Variants in BRWD3 observed in about 807,000 individuals in gnomAD.
The protein encoded by BRWD3 is bromodomain and WD repeat domain containing 3, also known as bromodomain and WD repeat-containing protein 3.
BRWD3 carries 10 observed loss-of-function variants against 149.7 expected under a neutral mutation model. That is an observed-to-expected ratio of 0.07 (90% CI 0.04 to 0.11). The LOEUF (loss-of-function observed/expected upper bound fraction) is 0.11. Ranked by LOEUF, BRWD3 falls within the 10% of genes least tolerant of loss-of-function variation. The probability of loss-of-function intolerance (pLI) is 1.00; values close to 1 mark genes in which losing one functional copy is unlikely to be tolerated. For synonymous variants in BRWD3, 504 were observed against 456.7 expected, an observed-to-expected ratio of 1.10 and a Z score of -1.32; for missense variants, 940 against 1,373.2, an observed-to-expected ratio of 0.68 and a Z score of 4.99.
chrX:80,679,235 T>C (rs931535766), intron 40 of BRWD3, among the ~76,000 whole-genome samples: 3 of 111,699 alleles, frequency 2.7e-5, no homozygotes, highest in Non-Finnish European at 5.6e-5. Context: ...AGAAACTATA[T>C]AGAAGATTTA....
At chrX:80,723,653 A>T in intron 16 of BRWD3, 95 bp downstream of exon 16, 2 of 923,071 alleles carry the variant, frequency 2.2e-6, no homozygotes, top group Admixed American at 4.6e-5. Flanking sequence ...ATCTATTGAC[A>T]CATAACAGCC....
chrX:80,786,433 A>G (rs1026310928), intron 6 of BRWD3, among the ~76,000 whole-genome samples: 2 of 111,120 alleles, frequency 1.8e-5, no homozygotes, highest in African/African-American at 6.5e-5. Flanking sequence ...ATTTATCATT[A>G]TACTTAATGG....
intron 21 of BRWD3, among the ~76,000 whole-genome samples, chrX:80,707,705 A>T (rs1252402106): frequency 8.9e-6 from 1 of 112,102 alleles, no homozygotes; most frequent in Non-Finnish European, 1.9e-5. Context: ...TTCTAGCATC[A>T]TTATCTTATT....
At position 80,786,231 on chromosome X, in the gene BRWD3, T is replaced by C. The variant is rs760541163; in HGVS notation, c.430+5623A>G. Among the ~76,000 whole-genome samples the C allele has an allele frequency of 2.1e-4, 23 of 111,241 alleles. No individual in the cohort carries two copies. The East Asian group carries it at 5.9e-3, about 29-fold the overall frequency. On this transcript the variant is annotated intron_variant, in intron 6 of 40. Transcript: ENST00000373275. ...ATATTTAATTTCTCAGTTGCAATCA[T>C]CTCCATTGTCACAGAAGGTTCTACT...
At chrX:80,789,811 C>T (rs965520800) in intron 6 of BRWD3, among the ~76,000 whole-genome samples, 18 of 107,601 alleles carry the variant, frequency 1.7e-4, no homozygotes, top group Non-Finnish European at 2.9e-4. Context: ...TTTACTTGAC[C>T]ATGGAACTCC....
chrX:80,725,263 T>C (rs1401928177), intron 14 of BRWD3, among the ~76,000 whole-genome samples, 196 bp from the exon 15 acceptor site: 1 of 111,888 alleles, frequency 8.9e-6, no homozygotes, highest in Non-Finnish European at 1.9e-5. Context: ...TTATCAAGTA[T>C]TCAATAAACA....
At chrX:80,756,963 G>C (rs761091176) in intron 6 of BRWD3, among the ~76,000 whole-genome samples, 8 of 111,521 alleles carry the variant, frequency 7.2e-5, no homozygotes, top group Non-Finnish European at 1.5e-4. Flanking sequence ...CAAGTCTAGA[G>C]ATGAGCAATT....
chrX:80,801,214 CTTTT>C (rs763933804), intron 4 of BRWD3, among the ~76,000 whole-genome samples: 2 of 57,391 alleles, frequency 3.5e-5, no homozygotes, highest in Non-Finnish European at 6.0e-5. Context: ...GAGAAAACAT[CTTTT>C]TTTTTTTTTT....
chrX:80,740,918 TTTAAA>T (rs1396499750), intron 8 of BRWD3, among the ~76,000 whole-genome samples: 57 of 111,897 alleles, frequency 5.1e-4, no homozygotes, highest in African/African-American at 1.7e-3. Context: ...ATATTCTTTT[TTTAAA>T]TTATACTTTA....
At chrX:80,801,214 CTTTTTTT>C (rs763933804) in intron 4 of BRWD3, among the ~76,000 whole-genome samples, 3 of 57,391 alleles carry the variant, frequency 5.2e-5, no homozygotes, top group South Asian at 8.1e-4. Flanking sequence ...GAGAAAACAT[CTTTTTTT>C]TTTTTTTTTT....
intron 8 of BRWD3, among the ~76,000 whole-genome samples, chrX:80,738,104 T>C (rs890742975): frequency 2.7e-5 from 3 of 112,279 alleles, no homozygotes; most frequent in Admixed American, 9.4e-5. Context: ...AAATATGAAA[T>C]AGTATAATTT....
intron 22 of BRWD3, among the ~76,000 whole-genome samples, chrX:80,706,838 T>C (rs1390970999): frequency 8.9e-6 from 1 of 112,891 alleles, no homozygotes; most frequent in Non-Finnish European, 1.9e-5. Context: ...AAGGCATGCC[T>C]GGGCAACATA....
intron 20 of BRWD3, among the ~76,000 whole-genome samples, chrX:80,714,869 A>C (rs1339624454): frequency 8.9e-6 from 1 of 112,485 alleles, no homozygotes. Flanking sequence ...ACTTACCTGT[A>C]GTTGTAACAA....
intron 6 of BRWD3, among the ~76,000 whole-genome samples, chrX:80,785,009 G>A (rs2074094443): frequency 8.9e-6 from 1 of 111,909 alleles, no homozygotes; most frequent in Non-Finnish European, 1.9e-5. Flanking sequence ...AACTACTTCT[G>A]TACTCACAAG....
intron 6 of BRWD3, among the ~76,000 whole-genome samples, chrX:80,757,943 G>A (rs1259993036): frequency 1.8e-5 from 2 of 112,296 alleles, no homozygotes; most frequent in Non-Finnish European, 3.8e-5. Context: ...GCTCACGCCT[G>A]TAATCCCAGC....
intron 17 of BRWD3, among the ~76,000 whole-genome samples, chrX:80,720,090 C>T (rs1228150380): frequency 8.9e-6 from 1 of 111,958 alleles, no homozygotes; most frequent in Non-Finnish European, 1.9e-5. Flanking sequence ...AAAAGCATAG[C>T]ACATATAATT....
In BRWD3 at chrX:80,728,923, C is replaced by T; in HGVS notation, c.1233-18G>A. ...AATTATTGCTAAACAAAACAATTTG[C>T]AGTATTCATATCTTATAAATTTTTG... On this transcript the variant is annotated intron_variant, in intron 13 of 40. Coordinates refer to ENST00000373275, the MANE Select transcript of BRWD3 (RefSeq NM_153252.5). The T allele has an allele frequency of 8.4e-7, 1 of 1,197,032 alleles. No individual in the cohort carries two copies. Among genetic ancestry groups the T allele is most frequent in the Non-Finnish European group, 1.1e-6 (1 of 882,828 alleles).
Position 80,719,458 on chromosome X carries a change from C to G in BRWD3, c.2044+31G>C, listed in dbSNP as rs934452919. The G allele has an allele frequency of 3.5e-6, 4 of 1,152,372 alleles. No individual in the cohort carries two copies. In the African/African-American group the frequency reaches 7.1e-5, roughly 21 times the overall value. The allele number at this position is 1,152,372 out of a possible 1,213,427, so 95.0% of individuals were successfully genotyped here. A position where few individuals can be genotyped will look rare whatever the true frequency, so the allele number is the denominator to read the frequency against. On this transcript the variant is annotated intron_variant, in intron 18 of 40. Transcript: ENST00000373275. ...AAGTAAAATAATTACAGTACATAAA[C>G]TACACCCTTTACAAGTATAAAAATA...
chrX:80,728,441 G>GTT (rs781223651), intron 14 of BRWD3, among the ~76,000 whole-genome samples: 68 of 111,051 alleles, frequency 6.1e-4, no homozygotes, highest in African/African-American at 2.2e-3. Flanking sequence ...CCCTATAACG[G>GTT]TAACAATGAA....
Sources: gnomAD v4.1 joint callset for allele counts (sites outside exome capture counted in the v4.1 genomes callset) on GRCh38, gnomAD v4.1.1 for gene constraint, MANE v1.5 for transcripts, NCBI Gene and HGNC (gene_info 2026-07-23, HGNC 2026-07-21) for gene names.